LRRC7: variants seen among roughly 807,000 people sequenced by gnomAD.
The protein encoded by LRRC7 is leucine-rich repeat-containing protein 7.
A neutral mutation model predicts 175.7 loss-of-function variants in LRRC7; 23 were observed. The ratio of observed to expected loss-of-function variants is 0.13; its 90% CI spans 0.09 to 0.19. LRRC7 has a LOEUF of 0.19. Among genes scored for constraint, LRRC7 ranks in the 10% least tolerant of loss-of-function variants. The pLI, the probability that LRRC7 is intolerant of heterozygous loss-of-function variation, is 1.00. For missense variants in LRRC7, 1,354 were observed against 1,904.7 expected, an observed-to-expected ratio of 0.71 and a Z score of 5.38; for synonymous variants, 685 against 680.9, an observed-to-expected ratio of 1.01 and a Z score of -0.09.
rs1666751547 is a variant in LRRC7 at position 70,133,357 on chromosome 1, A to T, written c.*11470A>T. On this transcript the variant is annotated 3_prime_UTR_variant, in exon 27 of 27. Coordinates refer to ENST00000651989, the MANE Select transcript of LRRC7 (RefSeq NM_001370785.2). ...TGCCTCAGCCTCCCGAGTAGCTGGG[A>T]CTACAGGCATGCACCACCACGCCCG... is the stretch of plus-strand genomic sequence containing the variant. 6.6e-6 allele frequency among the ~76,000 whole-genome samples: 1 copy of T among 152,062 alleles called. No homozygotes were observed. The highest frequency in any genetic ancestry group is 6.5e-5 in the Admixed American group (1 of 15,274).
chr1:69,939,249 G>C (rs933120948), intron 8 of LRRC7, among the ~76,000 whole-genome samples: 3 of 151,790 alleles, frequency 2.0e-5, no homozygotes, highest in East Asian at 1.9e-4. Context: ...AGGAGCAAAG[G>C]GGGGACACTG....
intron 7 of LRRC7, among the ~76,000 whole-genome samples, chr1:69,923,458 T>C (rs957635955): frequency 1.3e-5 from 2 of 150,858 alleles, no homozygotes; most frequent in African/African-American, 4.8e-5. Flanking sequence ...TTCCTATTTC[T>C]CCACATCCTC....
chr1:69,920,692 C>T (rs535968943), intron 7 of LRRC7, among the ~76,000 whole-genome samples: 14 of 152,164 alleles, frequency 9.2e-5, no homozygotes, highest in Non-Finnish European at 1.3e-4. Flanking sequence ...AGAAAGACCT[C>T]TGGTCTTTAG....
At chr1:69,817,523 A>T (rs1678740156) in intron 4 of LRRC7, among the ~76,000 whole-genome samples, 1 of 151,958 alleles carries the variant, frequency 6.6e-6, no homozygotes, top group African/African-American at 2.4e-5. Context: ...GCCCGTTTTG[A>T]TTATAATAGC....
chr1:69,947,198 A>G (rs981865816), intron 8 of LRRC7, among the ~76,000 whole-genome samples: 4 of 152,082 alleles, frequency 2.6e-5, no homozygotes, highest in African/African-American at 7.2e-5. Context: ...GTCTTGTTAT[A>G]TATCTATTCA....
chr1:69,729,576 G>T (rs1667339303), intron 2 of LRRC7, among the ~76,000 whole-genome samples: 1 of 152,190 alleles, frequency 6.6e-6, no homozygotes, highest in Non-Finnish European at 1.5e-5. Flanking sequence ...CTCACATCTA[G>T]GTCAGGCTGA....
At chr1:69,762,407 G>A (rs777753883) in intron 3 of LRRC7, among the ~76,000 whole-genome samples, 2 of 151,966 alleles carry the variant, frequency 1.3e-5, no homozygotes, top group African/African-American at 4.8e-5. Flanking sequence ...ATGTATAATC[G>A]GAGCCAAAGA....
chr1:69,660,806 T>G (rs1427823053), intron 1 of LRRC7, among the ~76,000 whole-genome samples: 2 of 152,052 alleles, frequency 1.3e-5, no homozygotes, highest in East Asian at 3.9e-4. Context: ...TAGGAAGTCC[T>G]TGGAGTGTTG....
chr1:70,006,054 G>A (rs61782625), intron 11 of LRRC7, among the ~76,000 whole-genome samples: 3,094 of 151,198 alleles, frequency 0.02, 42 homozygotes, highest in Non-Finnish European at 0.032. Flanking sequence ...TTTTAATACC[G>A]GATTTTGTAT....
intron 1 of LRRC7, among the ~76,000 whole-genome samples, chr1:69,617,810 A>T (rs747720239): frequency 1.3e-5 from 2 of 152,116 alleles, no homozygotes; most frequent in Non-Finnish European, 2.9e-5. Context: ...CACTGGATCC[A>T]GGTCAACATA....
At chr1:69,865,469 CTTTT>C (rs532063540) in intron 7 of LRRC7, among the ~76,000 whole-genome samples, 127 of 51,264 alleles carry the variant, frequency 2.5e-3, no homozygotes, top group African/African-American at 8.4e-3. Context: ...AAGACAGTTC[CTTTT>C]TTTTTTTTTT....
intron 8 of LRRC7, among the ~76,000 whole-genome samples, chr1:69,940,109 G>A (rs1648555985): frequency 6.6e-6 from 1 of 152,126 alleles, no homozygotes; most frequent in Non-Finnish European, 1.5e-5. Flanking sequence ...AATTCTTGAA[G>A]AATCATTCAA....
intron 24 of LRRC7, among the ~76,000 whole-genome samples, chr1:70,076,920 C>T (rs960116827): frequency 1.3e-5 from 2 of 152,174 alleles, no homozygotes; most frequent in East Asian, 1.9e-4. Context: ...GTTTTAGTTC[C>T]TTAGGACTGG....
rs188917982 is a variant in LRRC7 at position 69,644,194 on chromosome 1, A to T, written c.3-34187A>T. Among the ~76,000 whole-genome samples, 170 of 152,190 alleles carry T rather than the reference A, an allele frequency of 1.1e-3. 1 individual carries two copies. Among genetic ancestry groups the T allele is most frequent in the Non-Finnish European group, 1.3e-3 (91 of 67,978 alleles). ...AACAAGGTGATTGAGAGTGATATTC[A>T]TATCTTCTGTACTCTTACTAATTTC... On this transcript the variant is annotated intron_variant, in intron 1 of 26. Transcript: ENST00000651989.
intron 4 of LRRC7, among the ~76,000 whole-genome samples, chr1:69,803,677 C>A (rs1404791031): frequency 6.6e-6 from 1 of 151,338 alleles, no homozygotes; most frequent in Non-Finnish European, 1.5e-5. Context: ...TTTTATCTAC[C>A]TGTGACAATA....
At chr1:69,822,002 C>T (rs984883687) in intron 4 of LRRC7, among the ~76,000 whole-genome samples, 64 of 152,160 alleles carry the variant, frequency 4.2e-4, no homozygotes, top group African/African-American at 1.5e-3. Flanking sequence ...GCTGTCACCT[C>T]CTTCAGTCTT....
At chr1:70,066,395 T>A (rs190246794) in intron 23 of LRRC7, among the ~76,000 whole-genome samples, 199 of 152,180 alleles carry the variant, frequency 1.3e-3, no homozygotes, top group Admixed American at 4.8e-3. Flanking sequence ...CATGTATAAT[T>A]ATTTTTTAAT....
intron 1 of LRRC7, among the ~76,000 whole-genome samples, chr1:69,618,061 G>T: frequency 6.6e-6 from 1 of 152,226 alleles, no homozygotes; most frequent in African/African-American, 2.4e-5. Flanking sequence ...TACTACGGTG[G>T]TGGTGGTTTA....
At chr1:70,015,465 A>G (rs1489616769) in intron 13 of LRRC7, among the ~76,000 whole-genome samples, 1 of 152,116 alleles carries the variant, frequency 6.6e-6, no homozygotes, top group African/African-American at 2.4e-5. Context: ...CATTAAAGAC[A>G]AGGAAATTTT....
Sources: allele counts gnomAD v4.1 joint callset (sites outside exome capture counted in the v4.1 genomes callset), GRCh38; gene constraint gnomAD v4.1.1; transcripts MANE v1.5; gene names NCBI Gene and HGNC (gene_info 2026-07-23, HGNC 2026-07-21).